YIPF1: variants seen among roughly 807,000 people sequenced by gnomAD.
YIPF1 encodes the protein protein YIPF1.
In YIPF1, 22 loss-of-function variants were observed where a neutral mutation model predicts 37.0. That is an observed-to-expected ratio of 0.59 (90% CI 0.42 to 0.85). The LOEUF is 0.85. YIPF1 is among the 40% of genes least tolerant of loss of function. The probability of loss-of-function intolerance (pLI) is 0.00; values close to 1 mark genes in which losing one functional copy is unlikely to be tolerated. For synonymous variants in YIPF1, 128 were observed against 131.9 expected (o/e 0.97, Z 0.21); for missense variants, 355 against 373.1 (o/e 0.95, Z 0.40).
chr1:53,868,293 A>G (rs575334029), intron 7 of YIPF1, among the ~76,000 whole-genome samples: 2 of 152,266 alleles, frequency 1.3e-5, no homozygotes, highest in African/African-American at 4.8e-5. Flanking sequence ...TTGAGAGGCA[A>G]TGTGGAATAA....
chr1:53,887,893 A>G (rs1650696917), intron 3 of YIPF1, among the ~76,000 whole-genome samples: 1 of 152,204 alleles, frequency 6.6e-6, no homozygotes, highest in Admixed American at 6.5e-5. Flanking sequence ...GATTTAGAAC[A>G]GTGCCTGACA....
chr1:53,860,159 G>T lies in YIPF1; in HGVS notation c.832-6C>A. 1 of 1,613,380 alleles carries T rather than the reference G, an allele frequency of 6.2e-7. No individual in the cohort carries two copies. The highest frequency in any genetic ancestry group is 8.5e-7 in the Non-Finnish European group (1 of 1,179,728). ...GGTGCATCAAAAAAGTATGCCTGTGGGGAAAAAAAGACCCAGGAGGGAGTT... is the reference window on the plus strand; with the variant it reads ...GGTGCATCAAAAAAGTATGCCTGTGTGGAAAAAAAGACCCAGGAGGGAGTT... On this transcript the variant is annotated splice_region_variant and splice_polypyrimidine_tract_variant and intron_variant, in intron 9 of 10. Coordinates refer to ENST00000072644, the MANE Select transcript of YIPF1 (RefSeq NM_018982.5).
At chr1:53,878,547 A>G in intron 5 of YIPF1, 95 bp downstream of exon 5, 1 of 1,472,708 alleles carries the variant, frequency 6.8e-7, no homozygotes, top group South Asian at 1.2e-5. Flanking sequence ...GACCATTTTC[A>G]GTATATAAAG....
At chr1:53,857,435 C>T (rs1217510207) in intron 10 of YIPF1, among the ~76,000 whole-genome samples, 1 of 152,210 alleles carries the variant, frequency 6.6e-6, no homozygotes, top group African/African-American at 2.4e-5. Context: ...CAGAGGAAGG[C>T]TCCATCAAAC....
At chr1:53,884,248 A>AAAAAAC (rs1553156084) in intron 3 of YIPF1, among the ~76,000 whole-genome samples, 1 of 151,412 alleles carries the variant, frequency 6.6e-6, no homozygotes, top group African/African-American at 2.4e-5. Context: ...AAAAAAAAAA[A>AAAAAAC]AAACCCAAAA....
At chr1:53,869,160 T>A (rs56227007) in intron 7 of YIPF1, among the ~76,000 whole-genome samples, 24,507 of 137,364 alleles carry the variant, frequency 0.18, 2,321 homozygotes, top group South Asian at 0.24. Flanking sequence ...TCTCTCTCTC[T>A]CACACACACA....
At chr1:53,880,770 C>T (rs1281020784) in intron 4 of YIPF1, among the ~76,000 whole-genome samples, 2 of 152,236 alleles carry the variant, frequency 1.3e-5, no homozygotes, top group South Asian at 4.1e-4. Context: ...CGTCTACAAC[C>T]ATCTGATCTT....
chr1:53,870,332 G>A (rs1054153510), intron 7 of YIPF1, among the ~76,000 whole-genome samples: 11 of 151,082 alleles, frequency 7.3e-5, no homozygotes, highest in East Asian at 2.0e-4. Flanking sequence ...CACCATACCC[G>A]GTAACTTTTT....
intron 9 of YIPF1, among the ~76,000 whole-genome samples, chr1:53,861,768 C>T (rs1649889418): frequency 6.6e-6 from 1 of 152,122 alleles, no homozygotes; most frequent in Non-Finnish European, 1.5e-5. Flanking sequence ...AATCTCAGCA[C>T]TTTGGGAGGC....
At chr1:53,880,993 G>A (rs550637851) in intron 4 of YIPF1, among the ~76,000 whole-genome samples, 14 of 151,956 alleles carry the variant, frequency 9.2e-5, no homozygotes, top group African/African-American at 3.1e-4. Flanking sequence ...AGCTGGGCGC[G>A]GTGGCTCATG....
At chr1:53,872,957 G>A (rs1316164692) in intron 6 of YIPF1, among the ~76,000 whole-genome samples, 1 of 152,036 alleles carries the variant, frequency 6.6e-6, no homozygotes, top group African/African-American at 2.4e-5. Flanking sequence ...ACCCCACAAA[G>A]CCCCTATAGC....
rs753978320 is a variant in YIPF1 at position 53,870,160 on chromosome 1, C to CTTTTTT, written c.481+1206_481+1211dup. Among the ~76,000 whole-genome samples, 384 of 91,110 alleles carry CTTTTTT rather than the reference C, an allele frequency of 4.2e-3. 34 individuals are homozygous for CTTTTTT. Among genetic ancestry groups the CTTTTTT allele is most frequent in the East Asian group, 8.0e-3 (26 of 3,270 alleles). 59.8% of individuals were successfully genotyped at this position (91,110 alleles called of 152,430 possible). ...AGGCTTGAGCCACCGCACCGGGTCT[C>CTTTTTT]TTTTTTTTTTTTTTTTTTTTTTTTT... is the stretch of plus-strand genomic sequence containing the variant. On this transcript the variant is annotated intron_variant, in intron 7 of 10. Transcript: ENST00000072644.
intron 7 of YIPF1, among the ~76,000 whole-genome samples, chr1:53,867,593 TG>T (rs1030587937): frequency 6.6e-6 from 1 of 152,016 alleles, no homozygotes; most frequent in African/African-American, 2.4e-5. Flanking sequence ...AGGATGGTCC[TG>T]ACCTCGTGAT....
chr1:53,878,232 T>C (rs1480175747), intron 6 of YIPF1, 83 bp downstream of exon 6: 2 of 1,352,170 alleles, frequency 1.5e-6, no homozygotes, highest in African/African-American at 1.4e-5. Context: ...CCACCAATAG[T>C]GCAGTTCTCC....
At chr1:53,863,630 T>C (rs1649943133) in intron 9 of YIPF1, among the ~76,000 whole-genome samples, 1 of 152,210 alleles carries the variant, frequency 6.6e-6, no homozygotes, top group Non-Finnish European at 1.5e-5. Context: ...AGAAAGTTCC[T>C]GAGCAGCAAG....
intron 10 of YIPF1, among the ~76,000 whole-genome samples, chr1:53,858,976 T>TTTTTGC (rs1649795704): frequency 2.0e-5 from 3 of 152,238 alleles, no homozygotes; most frequent in Admixed American, 1.3e-4. Flanking sequence ...AAGCCCCTGG[T>TTTTTGC]TTTTGCACAC....
chr1:53,883,293 C>A lies in YIPF1; in HGVS notation c.32-17G>T. ...TGCCAAATTCTGAAATCAATTAGAG[C>A]ACACGGGCCTCAGAAACCTTACCCA... On this transcript the variant is annotated splice_polypyrimidine_tract_variant and intron_variant, in intron 3 of 10. Transcript: ENST00000072644. The A allele has an allele frequency of 6.5e-7, 1 of 1,527,872 alleles. No homozygotes were observed. The highest frequency in any genetic ancestry group is 8.8e-7 in the Non-Finnish European group (1 of 1,140,812). 94.6% of individuals were successfully genotyped at this position (1,527,872 alleles called of 1,614,324 possible). A position where few individuals can be genotyped will look rare whatever the true frequency, so the allele number is the denominator to read the frequency against.
chr1:53,881,918 A>G (rs1650511674), intron 4 of YIPF1, among the ~76,000 whole-genome samples: 1 of 152,214 alleles, frequency 6.6e-6, no homozygotes, highest in Non-Finnish European at 1.5e-5. Context: ...ATTTATGTTC[A>G]CTGCAGCACT....
intron 8 of YIPF1, 139 bp downstream of exon 8, chr1:53,866,619 C>T (rs1465184256): frequency 2.5e-6 from 3 of 1,191,748 alleles, no homozygotes; most frequent in Non-Finnish European, 3.5e-6. Flanking sequence ...TCATGCTTAA[C>T]TTCTAACTTC....
Sources: allele counts gnomAD v4.1 joint callset (sites outside exome capture counted in the v4.1 genomes callset), GRCh38; gene constraint gnomAD v4.1.1; transcripts MANE v1.5; gene names NCBI Gene and HGNC (gene_info 2026-07-23, HGNC 2026-07-21).